The following COLGALT2 variants were observed in gnomAD, a reference collection of about 807,000 sequenced individuals.
COLGALT2 encodes collagen beta(1-O)galactosyltransferase 2, also known as procollagen galactosyltransferase 2.
In COLGALT2, 49 loss-of-function variants were observed where a neutral mutation model predicts 73.4. The ratio of observed to expected loss-of-function variants is 0.67; its 90% CI spans 0.53 to 0.85. COLGALT2 has a LOEUF of 0.85. COLGALT2 is among the 40% of genes least tolerant of loss of function. The pLI is 0.00. For missense variants in COLGALT2, 722 were observed against 790.2 expected (o/e 0.91, Z 1.03); for synonymous variants, 295 against 307.6 (o/e 0.96, Z 0.43).
chr1:183,990,873 T>C (rs1185115848), intron 1 of COLGALT2, among the ~76,000 whole-genome samples: 2 of 152,222 alleles, frequency 1.3e-5, no homozygotes, highest in East Asian at 3.8e-4. Context: ...GTGACCCCCT[T>C]TCCTGGGTCC....
intron 1 of COLGALT2, among the ~76,000 whole-genome samples, chr1:184,000,636 T>C (rs1671894403): frequency 1.3e-5 from 2 of 151,976 alleles, no homozygotes. Flanking sequence ...TTGTTCATCA[T>C]AGATTTCTGC....
chr1:183,947,957 T>C (rs1453175503), intron 8 of COLGALT2, among the ~76,000 whole-genome samples: 1 of 152,104 alleles, frequency 6.6e-6, no homozygotes, highest in Non-Finnish European at 1.5e-5. Flanking sequence ...GATAATACTA[T>C]GAACAATTGT....
intron 1 of COLGALT2, among the ~76,000 whole-genome samples, chr1:183,984,430 G>C (rs1671434128): frequency 6.6e-6 from 1 of 152,098 alleles, no homozygotes; most frequent in South Asian, 2.1e-4. Context: ...ACGACAAAAA[G>C]ACAGCAAGGA....
At position 184,035,122 on chromosome 1, in the gene COLGALT2, G is replaced by A. The variant is rs565976747; in HGVS notation, c.263+1973C>T. Among the ~76,000 whole-genome samples, 3 of 150,200 alleles carry A rather than the reference G, an allele frequency of 2.0e-5. No individual in the cohort carries two copies. In the East Asian group the frequency reaches 6.1e-4, roughly 31 times the overall value. ...GATTTCAAAGGTCTATGCAGAACTG[G>A]AATTCTCTCATCTAAGTAAGACACC... On this transcript the variant is annotated intron_variant, in intron 1 of 11. Coordinates refer to ENST00000361927, the MANE Select transcript of COLGALT2 (RefSeq NM_015101.4).
downstream of COLGALT2, among the ~76,000 whole-genome samples, chr1:183,935,410 A>C (rs907656617): frequency 7.2e-5 from 11 of 152,192 alleles, no homozygotes; most frequent in African/African-American, 2.4e-4. Context: ...AGCTTGATCT[A>C]AAAATTCAAG....
At chr1:183,945,834 A>C in intron 8 of COLGALT2, 1 of 472,152 alleles carries the variant, frequency 2.1e-6, no homozygotes, top group Non-Finnish European at 3.8e-6. Context: ...AAGATTTAAT[A>C]AGTACACTCC....
chr1:183,976,144 T>C (rs1345337165), intron 2 of COLGALT2, among the ~76,000 whole-genome samples: 1 of 152,038 alleles, frequency 6.6e-6, no homozygotes, highest in Admixed American at 6.6e-5. Context: ...GCATATAATA[T>C]ATTTAGTCAA....
intron 1 of COLGALT2, among the ~76,000 whole-genome samples, chr1:184,017,830 A>T (rs12136316): frequency 0.18 from 26,994 of 152,028 alleles, 2,631 homozygotes; most frequent in East Asian, 0.45. Context: ...CTCCGGAAAA[A>T]TCTTAATTTG....
At chr1:184,034,115 T>A (rs577151599) in intron 1 of COLGALT2, among the ~76,000 whole-genome samples, 42 of 152,202 alleles carry the variant, frequency 2.8e-4, no homozygotes, top group African/African-American at 9.9e-4. Context: ...GAGTGTTATA[T>A]CTCATAAGCT....
chr1:184,024,635 G>A (rs1649277611), intron 1 of COLGALT2, among the ~76,000 whole-genome samples: 1 of 147,662 alleles, frequency 6.8e-6, no homozygotes, highest in Non-Finnish European at 1.5e-5. Context: ...ACAGGCGTGA[G>A]CCACCACACC....
At chr1:183,975,306 C>T in intron 2 of COLGALT2, 92 bp from the exon 3 acceptor site, 2 of 711,918 alleles carry the variant, frequency 2.8e-6, no homozygotes, top group Non-Finnish European at 4.6e-6. Context: ...AATCTTCTAT[C>T]AATCCCAGGA....
At chr1:183,954,138 G>A (rs1359191109) in intron 7 of COLGALT2, among the ~76,000 whole-genome samples, 2 of 152,268 alleles carry the variant, frequency 1.3e-5, no homozygotes, top group South Asian at 2.1e-4. Flanking sequence ...TATCTGTTAC[G>A]CATATTACCA....
chr1:184,017,046 C>T (rs1408733329), intron 1 of COLGALT2, among the ~76,000 whole-genome samples: 5 of 152,214 alleles, frequency 3.3e-5, no homozygotes, highest in Middle Eastern at 3.4e-3. Flanking sequence ...CAAATGGAAC[C>T]GCCAAACTTT....
At position 183,937,450 on chromosome 1, in the gene COLGALT2, T is replaced by A; in HGVS notation, c.*1311A>T. 1.0e-6 allele frequency: 1 copy of A among 986,118 alleles called. No individual in the cohort carries two copies. Among genetic ancestry groups the A allele is most frequent in the Non-Finnish European group, 1.2e-6 (1 of 830,404 alleles). 61.1% of individuals were successfully genotyped at this position (986,118 alleles called of 1,614,324 possible). On this transcript the variant is annotated 3_prime_UTR_variant, in exon 12 of 12. Coordinates refer to ENST00000361927, the MANE Select transcript of COLGALT2 (RefSeq NM_015101.4). ...TCTGTGAAGAAAGCAGAAAGGACTCTTAGGGGATATCTTTTGAGAAAGGGT... is the reference window on the plus strand; with the variant it reads ...TCTGTGAAGAAAGCAGAAAGGACTCATAGGGGATATCTTTTGAGAAAGGGT...
Position 183,936,297 on chromosome 1 carries a change from T to G in COLGALT2, c.*2464A>C. ...TGAGGTCAAGGAACCTCTGGATTGC[T>G]GAAGAGATGACTTTAAAAAAAAAGT... On this transcript the variant is annotated 3_prime_UTR_variant, in exon 12 of 12. Transcript: ENST00000361927. 1 of 985,644 alleles carries G rather than the reference T, an allele frequency of 1.0e-6. No individual in the cohort carries two copies. The highest frequency in any genetic ancestry group is 4.7e-5 in the South Asian group (1 of 21,270). The allele number at this position is 985,644 out of a possible 1,614,324, so 61.1% of individuals were successfully genotyped here. A position where few individuals can be genotyped will look rare whatever the true frequency, so the allele number is the denominator to read the frequency against.
At chr1:184,023,648 G>A (rs778278650) in intron 1 of COLGALT2, among the ~76,000 whole-genome samples, 8 of 143,134 alleles carry the variant, frequency 5.6e-5, no homozygotes, top group Non-Finnish European at 1.2e-4. Context: ...TGAGGTGGGG[G>A]GGGGGGGCGG....
chr1:184,019,932 G>C (rs964854830), intron 1 of COLGALT2, among the ~76,000 whole-genome samples: 4 of 152,176 alleles, frequency 2.6e-5, no homozygotes, highest in African/African-American at 9.6e-5. Context: ...AGTGATGCAT[G>C]CTGTAAATTT....
chr1:183,984,053 T>A (rs977699322), intron 1 of COLGALT2, among the ~76,000 whole-genome samples: 3 of 152,090 alleles, frequency 2.0e-5, no homozygotes. Flanking sequence ...CTAGAGTGGA[T>A]TCACACCTAA....
chr1:183,935,410 A>G (rs907656617), downstream of COLGALT2, among the ~76,000 whole-genome samples: 1 of 152,192 alleles, frequency 6.6e-6, no homozygotes, highest in Non-Finnish European at 1.5e-5. Context: ...AGCTTGATCT[A>G]AAAATTCAAG....
Sources: allele counts gnomAD v4.1 joint callset (sites outside exome capture counted in the v4.1 genomes callset), GRCh38; gene constraint gnomAD v4.1.1; transcripts MANE v1.5; gene names NCBI Gene and HGNC (gene_info 2026-07-23, HGNC 2026-07-21).